Variants in KLHL7 observed in about 807,000 individuals in gnomAD.
KLHL7 encodes kelch like family member 7.
In KLHL7, 44 loss-of-function variants were observed where a neutral mutation model predicts 67.4. That is an observed-to-expected ratio of 0.65 (90% CI 0.51 to 0.84). KLHL7 has a LOEUF of 0.84. Ranked by LOEUF, KLHL7 falls within the 40% of genes least tolerant of loss-of-function variation. KLHL7 has a pLI of 0.00. For missense variants in KLHL7, 362 were observed against 718.1 expected (o/e 0.50, Z 5.67); for synonymous variants, 252 against 243.3 (o/e 1.04, Z -0.33).
intron 6 of KLHL7, among the ~76,000 whole-genome samples, chr7:23,146,704 C>T (rs892113424): frequency 4.3e-4 from 64 of 150,430 alleles, no homozygotes; most frequent in Non-Finnish European, 8.4e-4. Flanking sequence ...TTACTGAAAT[C>T]TATTGGGTGT....
At chr7:23,113,716 C>T (rs1022086183) in intron 1 of KLHL7, among the ~76,000 whole-genome samples, 1 of 152,164 alleles carries the variant, frequency 6.6e-6, no homozygotes, top group Admixed American at 6.5e-5. Flanking sequence ...ATCCCAGCTA[C>T]TCAGGGGGCT....
Position 23,141,609 on chromosome 7 carries a change from A to C in KLHL7, c.618+665A>C, listed in dbSNP as rs115570462. Among the ~76,000 whole-genome samples the C allele has an allele frequency of 5.9e-3, 900 of 152,226 alleles. 13 individuals are homozygous for C. The highest frequency in any genetic ancestry group is 0.02 in the African/African-American group (840 of 41,550). On this transcript the variant is annotated intron_variant, in intron 5 of 10. Transcript: ENST00000339077. ...AGCTGGGTGGGAGAACACTTTATTT[A>C]ATTCATTCATTCATTCATTCATTCA...
chr7:23,159,492 C>A (rs1028400560), intron 7 of KLHL7, among the ~76,000 whole-genome samples: 6 of 152,020 alleles, frequency 3.9e-5, no homozygotes, highest in African/African-American at 1.4e-4. Flanking sequence ...TTCCTTTTAT[C>A]TTTTTTCTAG....
intron 9 of KLHL7, chr7:23,171,308 T>C: frequency 6.2e-6 from 1 of 161,210 alleles, no homozygotes. Context: ...TCAGGAGATT[T>C]AGATATACAT....
chr7:23,163,599 G>T (rs1784913611), intron 7 of KLHL7, among the ~76,000 whole-genome samples: 1 of 152,122 alleles, frequency 6.6e-6, no homozygotes, highest in Non-Finnish European at 1.5e-5. Context: ...TCAGAAGAAA[G>T]AAATCAGGAA....
At chr7:23,150,090 C>T (rs537840829) in intron 6 of KLHL7, among the ~76,000 whole-genome samples, 4 of 152,030 alleles carry the variant, frequency 2.6e-5, no homozygotes, top group Non-Finnish European at 5.9e-5. Flanking sequence ...CCTAAGAGTT[C>T]AAGGTTATAG....
At chr7:23,168,135 T>A in intron 9 of KLHL7, 98 bp downstream of exon 9, 1 of 1,165,332 alleles carries the variant, frequency 8.6e-7, no homozygotes, top group South Asian at 1.3e-5. Context: ...AAGAATTTTG[T>A]CCTTGAGTGA....
In KLHL7 at chr7:23,151,410, A is replaced by C. The variant is rs533925914; in HGVS notation, c.794-657A>C. Among the ~76,000 whole-genome samples the C allele has an allele frequency of 7.2e-5, 11 of 152,366 alleles. No homozygotes were observed. In the East Asian group the frequency reaches 2.1e-3, roughly 29 times the overall value. On this transcript the variant is annotated intron_variant, in intron 6 of 10. Transcript: ENST00000339077. Reference sequence around the variant, plus strand: ...AAGGAAAAGGATCATGACAGATCACAGTAGTTCTGACCTTATTGCATTTTA... The same window carrying C: ...AAGGAAAAGGATCATGACAGATCACCGTAGTTCTGACCTTATTGCATTTTA...
chr7:23,130,208 T>G (rs960724306), intron 4 of KLHL7, among the ~76,000 whole-genome samples: 11 of 152,190 alleles, frequency 7.2e-5, no homozygotes, highest in Admixed American at 7.2e-4. Context: ...GTTGATAAAA[T>G]TTTCATTTTT....
Position 23,174,582 on chromosome 7 carries a change from T to C in KLHL7, c.*284T>C. 1.9e-6 allele frequency: 1 copy of C among 538,762 alleles called. No individual in the cohort carries two copies. The highest frequency in any genetic ancestry group is 4.6e-5 in the East Asian group (1 of 21,776). 33.4% of individuals were successfully genotyped at this position (538,762 alleles called of 1,614,324 possible). A position where few individuals can be genotyped will look rare whatever the true frequency, so the allele number is the denominator to read the frequency against. ...CTTGAATGAATTTCACATTTGTAACTATGATTTTGGCAGAATAGAAGATTG... is the reference window on the plus strand; with the variant it reads ...CTTGAATGAATTTCACATTTGTAACCATGATTTTGGCAGAATAGAAGATTG... On this transcript the variant is annotated 3_prime_UTR_variant, in exon 11 of 11. Coordinates refer to ENST00000339077, the MANE Select transcript of KLHL7 (RefSeq NM_001031710.3).
At chr7:23,135,110 A>G (rs1184109439) in intron 4 of KLHL7, among the ~76,000 whole-genome samples, 2 of 152,130 alleles carry the variant, frequency 1.3e-5, no homozygotes, top group African/African-American at 4.8e-5. Flanking sequence ...GTTGTGTCCC[A>G]TAGGTTTAGG....
At chr7:23,136,538 A>G (rs958286284) in intron 4 of KLHL7, among the ~76,000 whole-genome samples, 1 of 152,242 alleles carries the variant, frequency 6.6e-6, no homozygotes, top group East Asian at 1.9e-4. Flanking sequence ...TGTTTTACCT[A>G]GTCATCAGAG....
intron 1 of KLHL7, among the ~76,000 whole-genome samples, chr7:23,109,002 G>C (rs919342071): frequency 8.5e-5 from 13 of 152,136 alleles, no homozygotes; most frequent in African/African-American, 3.1e-4. Flanking sequence ...TGTACACTTT[G>C]TACATGCCTT....
At chr7:23,165,042 G>C (rs1303502128) in intron 7 of KLHL7, among the ~76,000 whole-genome samples, 1 of 152,250 alleles carries the variant, frequency 6.6e-6, no homozygotes, top group Non-Finnish European at 1.5e-5. Context: ...CAGATGCTGT[G>C]AACAGCCCTT....
chr7:23,141,446 A>C (rs1185704521), intron 5 of KLHL7, among the ~76,000 whole-genome samples: 2 of 152,208 alleles, frequency 1.3e-5, no homozygotes, highest in Non-Finnish European at 2.9e-5. Context: ...GATGCTGGAA[A>C]AGGCAAGGAA....
intron 9 of KLHL7, among the ~76,000 whole-genome samples, chr7:23,172,456 C>T (rs921689403): frequency 1.3e-5 from 2 of 151,460 alleles, no homozygotes; most frequent in Non-Finnish European, 2.9e-5. Flanking sequence ...TGAATAGTAA[C>T]AGATACTATT....
intron 1 of KLHL7, chr7:23,117,797 C>G (rs1783155833): frequency 1.9e-6 from 3 of 1,549,574 alleles, no homozygotes; most frequent in Non-Finnish European, 2.6e-6. Flanking sequence ...TTATTTACCC[C>G]ATCTAATAAG....
chr7:23,168,132 T>C lies in KLHL7; in HGVS notation c.1379+95T>C, dbSNP rs185885704. On this transcript the variant is annotated intron_variant, in intron 9 of 10. Transcript: ENST00000339077. ...ACCAGAGGAACCCAACAGAAGAATT[T>C]TGTCCTTGAGTGAAGAGTGTATATA... 2.4e-6 allele frequency: 3 copies of C among 1,239,702 alleles called. No individual in the cohort carries two copies. In the Admixed American group the frequency reaches 5.3e-5, roughly 22 times the overall value. The allele number at this position is 1,239,702 out of a possible 1,614,324, so 76.8% of individuals were successfully genotyped here.
chr7:23,126,062 C>T (rs1398822840), intron 4 of KLHL7: 1 of 649,786 alleles, frequency 1.5e-6, no homozygotes, highest in Non-Finnish European at 2.8e-6. Flanking sequence ...GCTAGCATCA[C>T]TACTCTTATA....
Sources: allele counts gnomAD v4.1 joint callset (sites outside exome capture counted in the v4.1 genomes callset), GRCh38; gene constraint gnomAD v4.1.1; transcripts MANE v1.5; gene names NCBI Gene and HGNC (gene_info 2026-07-23, HGNC 2026-07-21).